CILK1: variants seen among roughly 807,000 people sequenced by gnomAD.
CILK1 encodes serine/threonine-protein kinase ICK.
Under a neutral mutation model 79.2 loss-of-function variants are expected in CILK1, and 47 were observed. That is an observed-to-expected ratio of 0.59 (90% CI 0.47 to 0.76). The LOEUF is 0.76. CILK1 is among the 30% of genes least tolerant of loss of function. CILK1 has a pLI of 0.00. For synonymous variants in CILK1, 266 were observed against 275.9 expected (o/e 0.96, Z 0.36); for missense variants, 660 against 769.5 (o/e 0.86, Z 1.68).
chr6:53,011,959 T>C, intron 10 of CILK1, 42 bp from the exon 11 acceptor site: 1 of 1,614,120 alleles, frequency 6.2e-7, no homozygotes, highest in Non-Finnish European at 8.5e-7. Flanking sequence ...CGAGAGACAG[T>C]ATGTATTCTC....
Position 53,059,731 on chromosome 6 carries a change from A to G in CILK1, c.-173+1865T>C, listed in dbSNP as rs187937103. ...TATGATAGGCCTTGAGAAGTCAGGC[A>G]TATTATTTTAGACTTGAGATAGTAC... is the stretch of plus-strand genomic sequence containing the variant. On this transcript the variant is annotated intron_variant, in intron 1 of 13. Coordinates refer to ENST00000676107, the MANE Select transcript of CILK1 (RefSeq NM_014920.5). Among the ~76,000 whole-genome samples, 3 of 152,356 alleles carry G rather than the reference A, an allele frequency of 2.0e-5. No homozygotes were observed. In the East Asian group the frequency reaches 5.8e-4, roughly 29 times the overall value.
Position 53,012,180 on chromosome 6 carries a change from CTT to C in CILK1, c.1198_1199del (p.Lys400GlufsTer2). 1 of 1,614,166 alleles carries C rather than the reference CTT, an allele frequency of 6.2e-7. No individual in the cohort carries two copies. The highest frequency in any genetic ancestry group is 8.5e-7 in the Non-Finnish European group (1 of 1,180,020). On this transcript the variant is annotated frameshift_variant, in exon 10 of 14. Transcript: ENST00000676107. LOFTEE classifies it high-confidence loss of function. ...LEHKNGEIKP[K>X]SRRRWGLISR... ...AAATAAGACCCCACCTTCTCCTACT[CTT>C]TGGCTTTATCTCACCATTTTTGTGC...
chr6:53,043,407 A>G (rs1364802196), intron 1 of CILK1, among the ~76,000 whole-genome samples: 1 of 152,006 alleles, frequency 6.6e-6, no homozygotes, highest in Non-Finnish European at 1.5e-5. Context: ...GAAAAATCTT[A>G]AGACATATAA....
intron 5 of CILK1, among the ~76,000 whole-genome samples, chr6:53,023,359 G>A (rs1765373566): frequency 6.6e-6 from 1 of 152,102 alleles, no homozygotes. Context: ...ATTGAACAAA[G>A]GACTTTCGTC....
intron 12 of CILK1, 96 bp downstream of exon 12, chr6:53,009,343 G>A: frequency 8.4e-7 from 1 of 1,196,968 alleles, no homozygotes; most frequent in Non-Finnish European, 1.2e-6. Context: ...AAAGGCCCCT[G>A]TGCTTCCAAA....
chr6:53,013,948 G>A lies in CILK1; in HGVS notation c.866C>T (p.Pro289Leu). 6.2e-7 allele frequency: 1 copy of A among 1,614,006 alleles called. No homozygotes were observed. The highest frequency in any genetic ancestry group is 1.7e-5 in the Admixed American group (1 of 60,014). Reference protein sequence around the residue: ...LRYPYFQVGHPLGSTTQNLQD... With the variant: ...LRYPYFQVGHLLGSTTQNLQD... ...AAGGTTTTGTGTGGTGCTGCCTAGT[G>A]GGTGTCCAACTTGGAAGTAAGGATA... Residue 289 changes from proline (P) to leucine (L), a missense_variant, in exon 9 of 14, where the codon CCA (proline) becomes CTA (leucine). Coordinates refer to ENST00000676107, the MANE Select transcript of CILK1 (RefSeq NM_014920.5).
At chr6:53,046,560 C>T (rs895284818) in intron 1 of CILK1, among the ~76,000 whole-genome samples, 3 of 152,178 alleles carry the variant, frequency 2.0e-5, no homozygotes, top group African/African-American at 7.2e-5. Flanking sequence ...AATCTAATTA[C>T]TGTGGCAAGA....
At chr6:53,025,274 C>T (rs1765501121) in intron 5 of CILK1, among the ~76,000 whole-genome samples, 1 of 152,040 alleles carries the variant, frequency 6.6e-6, no homozygotes, top group Non-Finnish European at 1.5e-5. Flanking sequence ...ATAATGGGTC[C>T]TTTGTTCTGC....
chr6:53,033,327 G>A (rs1281434900), intron 3 of CILK1, among the ~76,000 whole-genome samples: 1 of 152,116 alleles, frequency 6.6e-6, no homozygotes, highest in Admixed American at 6.5e-5. Context: ...AAAATGGTGC[G>A]TGGCCTTATA....
intron 1 of CILK1, among the ~76,000 whole-genome samples, chr6:53,043,527 A>G (rs1250994984): frequency 2.0e-5 from 3 of 152,050 alleles, no homozygotes; most frequent in South Asian, 2.1e-4. Context: ...GAACCACTGT[A>G]AGGCCTCTGG....
chr6:53,041,269 C>T lies in CILK1; in HGVS notation c.-33G>A, dbSNP rs755662744. 5.3e-5 allele frequency: 80 copies of T among 1,517,402 alleles called. No individual in the cohort carries two copies. The Admixed American group carries it at 1.0e-3, about 19-fold the overall frequency. The allele number at this position is 1,517,402 out of a possible 1,614,324, so 94.0% of individuals were successfully genotyped here. A position where few individuals can be genotyped will look rare whatever the true frequency, so the allele number is the denominator to read the frequency against. The stretch of plus-strand genomic sequence containing the variant: ...CTGCTCAGGCCGGACACTCATCTCA[C>T]GGCCGAAGTGGTTCAGTTCTGCAGT... On this transcript the variant is annotated 5_prime_UTR_variant, in exon 2 of 14. It adds an upstream start codon to the 5' untranslated region. Coordinates refer to ENST00000676107, the MANE Select transcript of CILK1 (RefSeq NM_014920.5).
chr6:53,033,767 T>TA (rs1766128757), intron 3 of CILK1, among the ~76,000 whole-genome samples: 1 of 152,160 alleles, frequency 6.6e-6, no homozygotes, highest in Admixed American at 6.5e-5. Context: ...AACTCAGTGA[T>TA]AAAGTACCCA....
In CILK1 at chr6:53,012,082, A is replaced by G; in HGVS notation, c.1298T>C (p.Ile433Thr). The G allele has an allele frequency of 1.2e-6, 2 of 1,614,138 alleles. No homozygotes were observed. The highest frequency in any genetic ancestry group is 8.5e-7 in the Non-Finnish European group (1 of 1,180,014). The change falls in exon 10 of 14, where the codon ATT becomes ACT. Residue 433 changes from isoleucine to threonine, a missense_variant. Ile to Thr is a moderately conservative substitution (Grantham distance 89). Coordinates refer to ENST00000676107, the MANE Select transcript of CILK1 (RefSeq NM_014920.5). The part of the protein sequence containing the change: ...DLDFSPSLSR[I>T]DLKNKKRQSD... ...CTGTCTTTTCTTGTTTTTCAGGTCA[A>G]TCCTGCTGAGGGATGGACTGAAATC... is the stretch of plus-strand genomic sequence containing the variant.
chr6:53,029,597 AC>A (rs1765795408), intron 5 of CILK1, among the ~76,000 whole-genome samples: 1 of 152,216 alleles, frequency 6.6e-6, no homozygotes, highest in East Asian at 1.9e-4. Flanking sequence ...CTTCTTCAGC[AC>A]AAGGTCTTTT....
At chr6:53,031,169 G>C (rs371553455) in intron 4 of CILK1, 25 bp from the exon 5 acceptor site, 1 of 1,451,388 alleles carries the variant, frequency 6.9e-7, no homozygotes, top group Non-Finnish European at 9.7e-7. Context: ...GGAAAACAAA[G>C]TTATAAATCA....
intron 1 of CILK1, chr6:53,060,994 G>C (rs946752156): frequency 6.6e-6 from 1 of 152,206 alleles, no homozygotes; most frequent in Admixed American, 6.5e-5. Context: ...GCCTAGCACA[G>C]CTCCAGCAAA....
intron 2 of CILK1, among the ~76,000 whole-genome samples, chr6:53,040,464 A>C (rs1472671859): frequency 6.6e-6 from 1 of 152,248 alleles, no homozygotes; most frequent in African/African-American, 2.4e-5. Context: ...TGAGGCCCTC[A>C]GGCCAACAAC....
chr6:53,014,196 T>C (rs1764761388), intron 8 of CILK1, among the ~76,000 whole-genome samples: 1 of 152,250 alleles, frequency 6.6e-6, no homozygotes, highest in Admixed American at 6.5e-5. Flanking sequence ...TATTTATATA[T>C]AGTAGCCAGT....
rs1238752935 is a variant in CILK1 at position 53,016,190 on chromosome 6, C to G, written c.724G>C (p.Val242Leu). ...ATCAAGGTCTTTAAGTTATTGGGTACACACTGTGGCCAACGGAAGTTCATT... is the reference window on the plus strand; with the variant it reads ...ATCAAGGTCTTTAAGTTATTGGGTAGACACTGTGGCCAACGGAAGTTCATT... Reference protein sequence around the residue: ...SAMNFRWPQCVPNNLKTLIPN... With the variant: ...SAMNFRWPQCLPNNLKTLIPN... Residue 242 changes from valine to leucine, a missense_variant, in exon 8 of 14, where the codon GTA (valine) becomes CTA (leucine). Transcript: ENST00000676107. 1 of 1,614,106 alleles carries G rather than the reference C, an allele frequency of 6.2e-7. No homozygotes were observed. Among genetic ancestry groups the G allele is most frequent in the Non-Finnish European group, 8.5e-7 (1 of 1,179,922 alleles).
Sources: gnomAD v4.1 joint callset for allele counts (sites outside exome capture counted in the v4.1 genomes callset) on GRCh38, gnomAD v4.1.1 for gene constraint, MANE v1.5 for transcripts, NCBI Gene and HGNC (gene_info 2026-07-23, HGNC 2026-07-21) for gene names.